Variants in EHMT1 observed in about 807,000 individuals in gnomAD.
EHMT1 encodes the protein euchromatic histone lysine methyltransferase 1, also known as histone-lysine N-methyltransferase EHMT1.
EHMT1 carries 15 observed loss-of-function variants against 147.2 expected under a neutral mutation model. The observed-to-expected ratio is 0.10, with a 90% CI of 0.07 to 0.16. EHMT1 has a LOEUF of 0.16. EHMT1 is among the 10% of genes least tolerant of loss of function. The pLI is 1.00. For missense variants in EHMT1, 1,587 were observed against 1,772.4 expected (o/e 0.90, Z 1.88); for synonymous variants, 795 against 709.6 (o/e 1.12, Z -1.91).
intron 18 of EHMT1, among the ~76,000 whole-genome samples, chr9:137,811,072 C>CT (rs1372542369): frequency 6.6e-6 from 1 of 152,060 alleles, no homozygotes; most frequent in African/African-American, 2.4e-5. Context: ...TATCCTATGA[C>CT]TATACCCCTG....
At chr9:137,759,873 C>T (rs1000393872) in intron 9 of EHMT1, among the ~76,000 whole-genome samples, 48 of 152,236 alleles carry the variant, frequency 3.2e-4, no homozygotes, top group South Asian at 2.1e-4. Flanking sequence ...CAGGCGCCAT[C>T]GGCCTGTGGA....
At chr9:137,751,576 G>A (rs976927149) in intron 6 of EHMT1, among the ~76,000 whole-genome samples, 9 of 152,164 alleles carry the variant, frequency 5.9e-5, no homozygotes, top group African/African-American at 1.4e-4. Flanking sequence ...CAGGGTGGAC[G>A]GAGACTCACG....
At chr9:137,807,750 C>G (rs562412465) in intron 18 of EHMT1, among the ~76,000 whole-genome samples, 1 of 152,100 alleles carries the variant, frequency 6.6e-6, no homozygotes, top group Non-Finnish European at 1.5e-5. Context: ...TCAAGTGATT[C>G]CCCCGCCAAG....
chr9:137,780,451 A>ATC (rs749668152), intron 14 of EHMT1, among the ~76,000 whole-genome samples: 5 of 94,534 alleles, frequency 5.3e-5, no homozygotes, highest in Admixed American at 2.2e-4. Context: ...TGATGACGGC[A>ATC]TCACTGAGAT....
At chr9:137,637,191 C>G (rs1277554846) in intron 1 of EHMT1, among the ~76,000 whole-genome samples, 1 of 149,504 alleles carries the variant, frequency 6.7e-6, no homozygotes. Context: ...GCCACCGCAC[C>G]AAGCCCAGAG....
At chr9:137,747,424 T>G (rs1442495408) in intron 6 of EHMT1, 1 of 152,160 alleles carries the variant, frequency 6.6e-6, no homozygotes, top group Non-Finnish European at 1.5e-5. Flanking sequence ...TCCCAAAGTG[T>G]TGGGATTACA....
chr9:137,754,316 A>G (rs757416118), intron 8 of EHMT1, 25 bp downstream of exon 8: 3 of 1,613,366 alleles, frequency 1.9e-6, no homozygotes, highest in Non-Finnish European at 2.5e-6. Context: ...GGTGTGGGCC[A>G]TCACGGGGAC....
chr9:137,724,886 T>A (rs1267877969), intron 3 of EHMT1, among the ~76,000 whole-genome samples: 2 of 139,196 alleles, frequency 1.4e-5, no homozygotes, highest in Non-Finnish European at 3.1e-5. Context: ...CGTGTGGCAT[T>A]CGTGGGACAG....
At chr9:137,670,015 G>A (rs1008818484) in intron 1 of EHMT1, among the ~76,000 whole-genome samples, 1 of 151,988 alleles carries the variant, frequency 6.6e-6, no homozygotes, top group African/African-American at 2.4e-5. Flanking sequence ...GTGCCATCAC[G>A]CCCAGCTAAT....
intron 15 of EHMT1, chr9:137,784,060 C>T (rs1248805366): frequency 1.1e-6 from 1 of 948,386 alleles, no homozygotes; most frequent in Middle Eastern, 2.2e-4. Flanking sequence ...TAAGAGAATA[C>T]TTGAGACCGG....
At chr9:137,669,641 T>G (rs947254905) in intron 1 of EHMT1, among the ~76,000 whole-genome samples, 1 of 151,602 alleles carries the variant, frequency 6.6e-6, no homozygotes, top group Admixed American at 6.6e-5. Context: ...CACCTTCACT[T>G]TTTGCTCTCT....
chr9:137,796,067 A>G (rs1952916501), intron 16 of EHMT1, among the ~76,000 whole-genome samples: 1 of 152,246 alleles, frequency 6.6e-6, no homozygotes, highest in Non-Finnish European at 1.5e-5. Context: ...GTCTGATGGC[A>G]TCGAAAGCGA....
chr9:137,738,160 C>A lies in EHMT1; in HGVS notation c.824-5211C>A, dbSNP rs184983380. Among the ~76,000 whole-genome samples, 301 of 151,678 alleles carry A rather than the reference C, an allele frequency of 2.0e-3. 2 individuals carry two copies. Among genetic ancestry groups the A allele is most frequent in the African/African-American group, 7.0e-3 (289 of 41,232 alleles). On this transcript the variant is annotated intron_variant, in intron 4 of 26. Transcript: ENST00000460843. The stretch of plus-strand genomic sequence containing the variant: ...AGTGAGCCGAGATCGGACCACTGCA[C>A]TCCAGCCTGGGTGACAGAGTGAGAC...
chr9:137,747,154 C>T (rs1948607346), intron 6 of EHMT1: 1 of 152,108 alleles, frequency 6.6e-6, no homozygotes. Flanking sequence ...ATACAAAAGT[C>T]CTAAATACAT....
chr9:137,682,289 T>C (rs1205117773), intron 1 of EHMT1, among the ~76,000 whole-genome samples: 1 of 152,172 alleles, frequency 6.6e-6, no homozygotes, highest in African/African-American at 2.4e-5. Context: ...TTGGAATTTA[T>C]TAAATACTTG....
At chr9:137,817,342 C>A in intron 23 of EHMT1, 97 bp from the exon 24 acceptor site, 1 of 1,390,936 alleles carries the variant, frequency 7.2e-7, no homozygotes, top group Non-Finnish European at 1.0e-6. Flanking sequence ...AGTTTTCTTC[C>A]TCATTTCAGT....
At chr9:137,674,441 G>A (rs985272865) in intron 1 of EHMT1, among the ~76,000 whole-genome samples, 9 of 152,118 alleles carry the variant, frequency 5.9e-5, no homozygotes, top group Admixed American at 3.9e-4. Flanking sequence ...GCAGGCTGAC[G>A]GAGAATCTCA....
chr9:137,659,894 G>A (rs1163033037), intron 1 of EHMT1, among the ~76,000 whole-genome samples: 1 of 152,016 alleles, frequency 6.6e-6, no homozygotes, highest in Non-Finnish European at 1.5e-5. Flanking sequence ...TATTTTAAGA[G>A]ACTTTTCTTT....
At chr9:137,718,194 C>T (rs543749323) in intron 3 of EHMT1, among the ~76,000 whole-genome samples, 30 of 150,706 alleles carry the variant, frequency 2.0e-4, no homozygotes, top group South Asian at 6.3e-4. Flanking sequence ...CCGCCCCTCA[C>T]GCGCACCGTG....
Sources: allele counts gnomAD v4.1 joint callset (sites outside exome capture counted in the v4.1 genomes callset), GRCh38; gene constraint gnomAD v4.1.1; transcripts MANE v1.5; gene names NCBI Gene and HGNC (gene_info 2026-07-23, HGNC 2026-07-21).